ENPP3: variants seen among roughly 807,000 people sequenced by gnomAD.
ENPP3 encodes the protein ectonucleotide pyrophosphatase/phosphodiesterase family member 3.
ENPP3 carries 104 observed loss-of-function variants against 117.8 expected under a neutral mutation model. The observed-to-expected ratio is 0.88, with a 90% CI of 0.75 to 1.04. The LOEUF (loss-of-function observed/expected upper bound fraction) is 1.04. Ranked by LOEUF, ENPP3 falls within the 50% of genes least tolerant of loss-of-function variation. ENPP3 has a pLI of 0.00. For missense variants in ENPP3, 1,026 were observed against 1,051.9 expected (o/e 0.98, Z 0.34); for synonymous variants, 380 against 349.9 (o/e 1.09, Z -0.96).
chr6:131,640,175 T>C (rs1200052997), intron 1 of ENPP3, among the ~76,000 whole-genome samples: 3 of 152,194 alleles, frequency 2.0e-5, no homozygotes, highest in Non-Finnish European at 4.4e-5. Context: ...GTACCACAGA[T>C]AAGGTGTAAA....
chr6:131,733,737 T>C lies in ENPP3; in HGVS notation c.2089+14T>C. 1.2e-6 allele frequency: 2 copies of C among 1,612,302 alleles called. No homozygotes were observed. The highest frequency in any genetic ancestry group is 1.1e-5 in the South Asian group (1 of 90,982). ...TCTATCCTCCTGGTTAGTAGAACTCTTTTTTAGAGCAGTAGCTTAGAAAGC... is the reference window on the plus strand; with the variant it reads ...TCTATCCTCCTGGTTAGTAGAACTCCTTTTTAGAGCAGTAGCTTAGAAAGC... On this transcript the variant is annotated intron_variant, in intron 21 of 24. Coordinates refer to ENST00000357639, the MANE Select transcript of ENPP3 (RefSeq NM_005021.5).
At position 131,734,634 on chromosome 6, in the gene ENPP3, C is replaced by T. The variant is rs577856201; in HGVS notation, c.2089+911C>T. 3.3e-5 allele frequency among the ~76,000 whole-genome samples: 5 copies of T among 152,064 alleles called. No homozygotes were observed. In the South Asian group the frequency reaches 8.3e-4, roughly 25 times the overall value. On this transcript the variant is annotated intron_variant, in intron 21 of 24. Coordinates refer to ENST00000357639, the MANE Select transcript of ENPP3 (RefSeq NM_005021.5). ...GCAACAGGCTGGGTGCGGTGGCTCA[C>T]GTCTGTAATCCCAGCACTTTGGGAG...
At chr6:131,701,904 GA>G (rs796659829) in intron 15 of ENPP3, among the ~76,000 whole-genome samples, 4,621 of 93,438 alleles carry the variant, frequency 0.049, no homozygotes, top group South Asian at 0.11. Context: ...AAAAAGAAAA[GA>G]AAAAAAAAAC....
chr6:131,734,834 G>A (rs188042498), intron 21 of ENPP3, among the ~76,000 whole-genome samples: 1 of 151,678 alleles, frequency 6.6e-6, no homozygotes, highest in East Asian at 1.9e-4. Flanking sequence ...CCCGGTAGGT[G>A]GAGGTGCAGT....
intron 15 of ENPP3, among the ~76,000 whole-genome samples, chr6:131,705,939 A>G (rs1199366393): frequency 7.3e-6 from 1 of 136,814 alleles, no homozygotes; most frequent in Non-Finnish European, 1.5e-5. Context: ...GCTGTAAACA[A>G]TCCTACTGCA....
chr6:131,666,054 G>T (rs1051487609), intron 6 of ENPP3, among the ~76,000 whole-genome samples: 4 of 151,854 alleles, frequency 2.6e-5, no homozygotes, highest in African/African-American at 9.7e-5. Flanking sequence ...TTATTCCATT[G>T]TAGTTGGAGA....
intron 15 of ENPP3, among the ~76,000 whole-genome samples, chr6:131,699,235 CAAA>C (rs4053087): frequency 5.6e-5 from 6 of 107,958 alleles, no homozygotes; most frequent in South Asian, 2.9e-4. Flanking sequence ...AAGACTGTCT[CAAA>C]AAAAAAAAAA....
At chr6:131,734,866 C>T (rs1780362486) in intron 21 of ENPP3, among the ~76,000 whole-genome samples, 1 of 149,344 alleles carries the variant, frequency 6.7e-6, no homozygotes, top group African/African-American at 2.5e-5. Context: ...GAGCCACTGA[C>T]TCCAGCCTGG....
At chr6:131,726,224 C>T in intron 20 of ENPP3, 24 bp downstream of exon 20, 1 of 1,598,128 alleles carries the variant, frequency 6.3e-7, no homozygotes, top group Non-Finnish European at 8.5e-7. Context: ...TCCATTGATC[C>T]ATGCAGGCAA....
chr6:131,676,518 G>A, intron 9 of ENPP3, among the ~76,000 whole-genome samples: 1 of 152,134 alleles, frequency 6.6e-6, no homozygotes, highest in East Asian at 1.9e-4. Flanking sequence ...AGAGAGAAGG[G>A]TGGGGTGAAA....
intron 10 of ENPP3, among the ~76,000 whole-genome samples, chr6:131,677,656 C>T (rs1778898840): frequency 6.6e-6 from 1 of 152,126 alleles, no homozygotes; most frequent in South Asian, 2.1e-4. Context: ...GGGCGTACCA[C>T]TGCTTGTATC....
At chr6:131,665,709 T>C (rs1778603054) in intron 6 of ENPP3, among the ~76,000 whole-genome samples, 1 of 152,142 alleles carries the variant, frequency 6.6e-6, no homozygotes. Context: ...TATTCTATTG[T>C]TTCTCCATTC....
intron 15 of ENPP3, among the ~76,000 whole-genome samples, chr6:131,703,821 G>T (rs2114481835): frequency 6.6e-6 from 1 of 150,998 alleles, no homozygotes; most frequent in South Asian, 2.1e-4. Flanking sequence ...CACCTCCACA[G>T]AGTACCTTCC....
chr6:131,681,678 A>G (rs1779026943), intron 11 of ENPP3, among the ~76,000 whole-genome samples: 1 of 152,256 alleles, frequency 6.6e-6, no homozygotes, highest in South Asian at 2.1e-4. Context: ...ACCACTGTCA[A>G]TAGTACTTTG....
At chr6:131,664,748 A>G (rs111610525) in intron 6 of ENPP3, among the ~76,000 whole-genome samples, 208 of 152,336 alleles carry the variant, frequency 1.4e-3, no homozygotes, top group African/African-American at 4.8e-3. Flanking sequence ...ACAGTATTGA[A>G]TAGGATAACA....
intron 15 of ENPP3, 109 bp from the exon 16 acceptor site, chr6:131,718,560 TAAA>T (rs994895165): frequency 2.1e-6 from 1 of 468,928 alleles, no homozygotes; most frequent in Non-Finnish European, 3.8e-6. Context: ...CTGTTGTTGA[TAAA>T]AAAATTTACT....
At chr6:131,735,981 T>C (rs1056246934) in intron 21 of ENPP3, among the ~76,000 whole-genome samples, 3 of 152,240 alleles carry the variant, frequency 2.0e-5, no homozygotes, top group African/African-American at 7.2e-5. Flanking sequence ...TAAGTGTTCT[T>C]ACCAAAATGA....
At chr6:131,674,044 C>A in intron 7 of ENPP3, 118 bp from the exon 8 acceptor site, 1 of 612,246 alleles carries the variant, frequency 1.6e-6, no homozygotes, top group Non-Finnish European at 2.8e-6. Context: ...AGGTGTTTTA[C>A]ATTGAAAGGT....
chr6:131,667,652 TG>T (rs1778646051), intron 6 of ENPP3, among the ~76,000 whole-genome samples: 1 of 152,212 alleles, frequency 6.6e-6, no homozygotes, highest in South Asian at 2.1e-4. Flanking sequence ...AGCATCGTTC[TG>T]GGAATGGGTA....
Sources: allele counts gnomAD v4.1 joint callset (sites outside exome capture counted in the v4.1 genomes callset), GRCh38; gene constraint gnomAD v4.1.1; transcripts MANE v1.5; gene names NCBI Gene and HGNC (gene_info 2026-07-23, HGNC 2026-07-21).